Variants in ESR1 observed in about 807,000 individuals in gnomAD.
ESR1 encodes the protein estrogen receptor 1, also known as estrogen receptor.
A neutral mutation model predicts 52.7 loss-of-function variants in ESR1; 12 were observed. That is an observed-to-expected ratio of 0.23 (90% CI 0.15 to 0.37). ESR1 has a LOEUF of 0.37. Ranked by LOEUF, ESR1 falls within the 10% of genes least tolerant of loss-of-function variation. The pLI is 1.00. For synonymous variants in ESR1, 305 were observed against 316.8 expected, an observed-to-expected ratio of 0.96 and a Z score of 0.39; for missense variants, 584 against 779.7, an observed-to-expected ratio of 0.75 and a Z score of 2.99.
intron 1 of ESR1, among the ~76,000 whole-genome samples, chr6:151,694,360 C>G (rs1472989055): frequency 6.6e-6 from 1 of 152,210 alleles, no homozygotes; most frequent in Admixed American, 6.5e-5. Flanking sequence ...ACATTACACC[C>G]TCTCTTAGCC....
chr6:151,950,799 G>A (rs965243213), intron 4 of ESR1, among the ~76,000 whole-genome samples: 9 of 152,058 alleles, frequency 5.9e-5, no homozygotes, highest in Admixed American at 3.3e-4. Flanking sequence ...ACTGTGAGGC[G>A]TACATTTCTG....
chr6:152,090,964 C>CT (rs1393204983), intron 6 of ESR1, among the ~76,000 whole-genome samples: 1 of 152,172 alleles, frequency 6.6e-6, no homozygotes, highest in East Asian at 1.9e-4. Flanking sequence ...TAGATTTTTT[C>CT]TTGTTTCCAT....
At chr6:151,938,373 A>G (rs2034626233) in intron 3 of ESR1, among the ~76,000 whole-genome samples, 1 of 152,234 alleles carries the variant, frequency 6.6e-6, no homozygotes. Flanking sequence ...AAGAATTTAA[A>G]GAATGAAAAA....
At chr6:151,976,791 G>A (rs924318251) in intron 4 of ESR1, among the ~76,000 whole-genome samples, 10 of 151,756 alleles carry the variant, frequency 6.6e-5, no homozygotes, top group Non-Finnish European at 1.3e-4. Flanking sequence ...CTCTCTACTT[G>A]GGTATGCCCT....
At chr6:151,904,949 C>G (rs146226034) in intron 3 of ESR1, among the ~76,000 whole-genome samples, 4 of 151,990 alleles carry the variant, frequency 2.6e-5, no homozygotes, top group African/African-American at 9.7e-5. Flanking sequence ...GGGAAAGTAG[C>G]AACAATACTA....
At position 152,099,102 on chromosome 6, in the gene ESR1, C is replaced by CA; in HGVS notation, c.*137dup. The CA allele has an allele frequency of 1.4e-6, 1 of 712,936 alleles. No homozygotes were observed. Among genetic ancestry groups the CA allele is most frequent in the East Asian group, 2.7e-5 (1 of 36,922 alleles). The allele number at this position is 712,936 out of a possible 1,614,324, so 44.2% of individuals were successfully genotyped here. A position where few individuals can be genotyped will look rare whatever the true frequency, so the allele number is the denominator to read the frequency against. ...ACCAATGGCTTTCTAGATGAGTGGC[C>CA]ATTCATTTGCTTGCTCAGTTCTTAG... On this transcript the variant is annotated 3_prime_UTR_variant, in exon 8 of 8. Coordinates refer to ENST00000206249, the MANE Select transcript of ESR1 (RefSeq NM_000125.4).
intron 2 of ESR1, among the ~76,000 whole-genome samples, chr6:151,740,211 T>C (rs1782978231): frequency 6.6e-6 from 1 of 151,708 alleles, no homozygotes; most frequent in South Asian, 2.1e-4. Context: ...CTATGCTTCC[T>C]GGGTTCAAGT....
At chr6:151,959,975 T>C (rs2037463444) in intron 4 of ESR1, among the ~76,000 whole-genome samples, 1 of 152,194 alleles carries the variant, frequency 6.6e-6, no homozygotes, top group South Asian at 2.1e-4. Context: ...ATGGAGCCAA[T>C]AGAATGTAAG....
chr6:151,781,406 G>A (rs1047124231), intron 2 of ESR1, among the ~76,000 whole-genome samples: 1 of 152,224 alleles, frequency 6.6e-6, no homozygotes, highest in Admixed American at 6.5e-5. Flanking sequence ...GAAGGTGGAG[G>A]CCTCATGGCC....
chr6:151,915,936 C>T (rs746829892), intron 3 of ESR1, among the ~76,000 whole-genome samples: 5 of 151,888 alleles, frequency 3.3e-5, no homozygotes, highest in Non-Finnish European at 5.9e-5. Context: ...TATTCTGGAG[C>T]AGTATATATT....
chr6:151,862,717 A>G (rs1789108854), intron 2 of ESR1, among the ~76,000 whole-genome samples: 1 of 152,114 alleles, frequency 6.6e-6, no homozygotes, highest in South Asian at 2.1e-4. Flanking sequence ...GTATCTGAAG[A>G]CTGAAAACAC....
At chr6:151,832,741 T>C (rs565671928) in intron 1 of ESR1, among the ~76,000 whole-genome samples, 1 of 152,368 alleles carries the variant, frequency 6.6e-6, no homozygotes, top group South Asian at 2.1e-4. Flanking sequence ...AGGTGCTTTA[T>C]GTGTCTCTGT....
rs113775308 is a variant in ESR1 at position 151,713,473 on chromosome 6, T to C, written c.-71+11468T>C. Reference sequence around the variant, plus strand: ...GATGTGAATCCATCTTGTCCTGGGCTTTTTTTGGTTGGTAGGCTATTAATT... The same window carrying C: ...GATGTGAATCCATCTTGTCCTGGGCCTTTTTTGGTTGGTAGGCTATTAATT... On this transcript the variant is annotated intron_variant, in intron 2 of 2. Coordinates refer to the ESR1 transcript ENST00000404742. Among the ~76,000 whole-genome samples, 392 of 152,298 alleles carry C rather than the reference T, an allele frequency of 2.6e-3. 2 individuals carry two copies. The highest frequency in any genetic ancestry group is 8.7e-3 in the African/African-American group (362 of 41,562).
chr6:152,061,414 A>G lies in ESR1; in HGVS notation c.1369+290A>G, dbSNP rs759716379. Among the ~76,000 whole-genome samples, 1 of 152,204 alleles carries G rather than the reference A, an allele frequency of 6.6e-6. No homozygotes were observed. The highest frequency in any genetic ancestry group is 2.4e-5 in the African/African-American group (1 of 41,456). ...GTTTTTATTCAAATGGTACATGTATATAGACATATGTTAGTTGATAGTTAT... is the reference window on the plus strand; with the variant it reads ...GTTTTTATTCAAATGGTACATGTATGTAGACATATGTTAGTTGATAGTTAT... On this transcript the variant is annotated intron_variant, in intron 6 of 7. Coordinates refer to ENST00000206249, the MANE Select transcript of ESR1 (RefSeq NM_000125.4). The surrounding 1 kb of genome is among the most constrained non-coding windows in gnomAD (Gnocchi z 4.3).
intron 6 of ESR1, among the ~76,000 whole-genome samples, chr6:152,109,364 C>A (rs1414171660): frequency 3.9e-5 from 6 of 151,990 alleles, no homozygotes; most frequent in African/African-American, 1.4e-4. Context: ...TTCGTGGTGG[C>A]TTACAGTTAA....
intron 3 of ESR1, among the ~76,000 whole-genome samples, chr6:151,886,071 A>G (rs1398597965): frequency 2.6e-5 from 4 of 152,032 alleles, no homozygotes; most frequent in Admixed American, 6.5e-5. Context: ...AAGAAAGAGA[A>G]TGGCAATTTC....
In ESR1 at chr6:152,100,423, G is replaced by C. The variant is rs9341071; in HGVS notation, c.*1457G>C. ...ATCCTCCCCCTTCCTCCCCCGCCCC[G>C]TTCCCTACCGCCTCCACTCCTGCCA... On this transcript the variant is annotated 3_prime_UTR_variant, in exon 8 of 8. Transcript: ENST00000206249. 3.3e-4 allele frequency: 82 copies of C among 247,932 alleles called. No individual in the cohort carries two copies. The East Asian group carries it at 3.4e-3, about 10-fold the overall frequency. The allele number at this position is 247,932 out of a possible 1,614,324, so 15.4% of individuals were successfully genotyped here.
At position 152,049,195 on chromosome 6, in the gene ESR1, C is replaced by G. The variant is rs1405815255; in HGVS notation, c.1236-11796C>G. Among the ~76,000 whole-genome samples, 6 of 152,208 alleles carry G rather than the reference C, an allele frequency of 3.9e-5. No homozygotes were observed. The South Asian group carries it at 8.3e-4, about 21-fold the overall frequency. On this transcript the variant is annotated intron_variant, in intron 5 of 7. Coordinates refer to ENST00000206249, the MANE Select transcript of ESR1 (RefSeq NM_000125.4). ...AGAATTCCATCTCCCTTTGGCAAACCATTCAAACCCAGAAGTGTGTTTTAC... is the reference window on the plus strand; with the variant it reads ...AGAATTCCATCTCCCTTTGGCAAACGATTCAAACCCAGAAGTGTGTTTTAC...
chr6:151,724,168 G>A (rs1342143887), intron 2 of ESR1, among the ~76,000 whole-genome samples: 1 of 151,986 alleles, frequency 6.6e-6, no homozygotes, highest in Non-Finnish European at 1.5e-5. Context: ...GGGGTAGGCT[G>A]GGACTGAAAG....
Sources: allele counts gnomAD v4.1 joint callset (sites outside exome capture counted in the v4.1 genomes callset), GRCh38; gene constraint gnomAD v4.1.1; non-coding constraint Gnocchi (gnomAD v3.1); transcripts MANE v1.5; gene names NCBI Gene and HGNC (gene_info 2026-07-23, HGNC 2026-07-21).